The following ANKRD12 variants were observed in gnomAD, a reference collection of about 807,000 sequenced individuals.
The protein encoded by ANKRD12 is ankyrin repeat domain 12.
A neutral mutation model predicts 183.4 loss-of-function variants in ANKRD12; 85 were observed. The observed-to-expected ratio is 0.46, with a 90% CI of 0.39 to 0.56. The LOEUF (loss-of-function observed/expected upper bound fraction) is 0.56, where lower values mean the gene tolerates loss of function less well. Among genes scored for constraint, ANKRD12 ranks in the 20% least tolerant of loss-of-function variants. ANKRD12 has a pLI of 0.00. For missense variants in ANKRD12, 2,405 were observed against 2,357.1 expected (o/e 1.02, Z -0.42); for synonymous variants, 914 against 800.2 (o/e 1.14, Z -2.40).
At chr18:9,251,794 AAAAAAAG>A (rs2038314919) in intron 8 of ANKRD12, among the ~76,000 whole-genome samples, 1 of 152,178 alleles carries the variant, frequency 6.6e-6, no homozygotes, top group Non-Finnish European at 1.5e-5. Flanking sequence ...CTCCATCTCA[AAAAAAAG>A]AAAAAAGAAA....
chr18:9,255,599 C>A lies in ANKRD12; in HGVS notation c.2332C>A (p.Pro778Thr). Residue 778 changes from proline (P) to threonine (T), a missense_variant, in exon 9 of 13, where the codon CCC (proline) becomes ACC (threonine). Physicochemically the swap from Pro to Thr is conservative, Grantham distance 38. This residue lies in a region of ANKRD12 where 1,983 missense variants were observed against 1,725.9 expected (regional missense o/e 1.15). Transcript: ENST00000262126. ...TCTAAAAGAAGAGAGAGAAAACATA[C>A]CCACAGATAAAGACTCAGAATTTAC... ...KDLKEERENI[P>T]TDKDSEFTSL... 6.4e-7 allele frequency: 1 copy of A among 1,568,302 alleles called. No individual in the cohort carries two copies. The highest frequency in any genetic ancestry group is 1.2e-5 in the South Asian group (1 of 81,928).
At position 9,254,908 on chromosome 18, in the gene ANKRD12, T is replaced by G; in HGVS notation, c.1641T>G (p.Ser547=). 6.4e-7 allele frequency: 1 copy of G among 1,566,820 alleles called. No homozygotes were observed. The highest frequency in any genetic ancestry group is 8.6e-7 in the Non-Finnish European group (1 of 1,159,938). The change falls in exon 9 of 13, where the codon TCT becomes TCG. Residue 547 remains serine, a synonymous_variant. Coordinates refer to ENST00000262126, the MANE Select transcript of ANKRD12 (RefSeq NM_015208.5). ...HISTGKSPKH[S]CGLSEKQSTP... ...CCACTGGTAAATCTCCCAAACATTC[T>G]TGTGGATTAAGTGAAAAACAGTCAA...
Position 9,157,604 on chromosome 18 carries a change from T to TATGTA in ANKRD12, c.-52+20639_-52+20640insATGTA, listed in dbSNP as rs1491418837. ...GTGTGTGTATATATATATATATGTA[T>TATGTA]TTTTTTTTTTTTTTTTGAGATGGAG... On this transcript the variant is annotated intron_variant, in intron 1 of 12. Coordinates refer to ENST00000262126, the MANE Select transcript of ANKRD12 (RefSeq NM_015208.5). Among the ~76,000 whole-genome samples the TATGTA allele has an allele frequency of 2.5e-3, 114 of 45,920 alleles. 1 individual carries two copies. The highest frequency in any genetic ancestry group is 5.5e-3 in the Non-Finnish European group (83 of 14,988). The allele number at this position is 45,920 out of a possible 152,430, so 30.1% of individuals were successfully genotyped here. A position where few individuals can be genotyped will look rare whatever the true frequency, so the allele number is the denominator to read the frequency against.
rs560480246 is a variant in ANKRD12, at chr18:9,261,753, C to T, written c.5665-2037C>T. ...CCTCTTTTGGGAATTACCTCCCTCC[C>T]TCCTTTTCCTTTCTTCCCACATGAT... is the stretch of plus-strand genomic sequence containing the variant. On this transcript the variant is annotated intron_variant, in intron 9 of 12. Transcript: ENST00000262126. 3.3e-5 allele frequency among the ~76,000 whole-genome samples: 5 copies of T among 152,304 alleles called. No homozygotes were observed. In the South Asian group the frequency reaches 1.0e-3, roughly 32 times the overall value.
intron 5 of ANKRD12, among the ~76,000 whole-genome samples, chr18:9,211,335 T>G (rs558286968): frequency 7.9e-5 from 12 of 152,182 alleles, no homozygotes; most frequent in Non-Finnish European, 1.8e-4. Flanking sequence ...TGATACTTTA[T>G]CATTTTAAAC....
At chr18:9,243,626 C>A (rs1468351539) in intron 8 of ANKRD12, among the ~76,000 whole-genome samples, 1 of 152,020 alleles carries the variant, frequency 6.6e-6, no homozygotes, top group Non-Finnish European at 1.5e-5. Context: ...CAAGAAAGTC[C>A]TTGGAATTCA....
chr18:9,184,387 T>C (rs1017954225), intron 2 of ANKRD12, among the ~76,000 whole-genome samples: 8 of 151,218 alleles, frequency 5.3e-5, no homozygotes, highest in African/African-American at 1.2e-4. Flanking sequence ...TATCTTGATA[T>C]GGCCATTTTT....
chr18:9,185,439 C>T (rs775945832), intron 2 of ANKRD12, among the ~76,000 whole-genome samples: 2 of 152,124 alleles, frequency 1.3e-5, no homozygotes, highest in African/African-American at 4.8e-5. Context: ...GTTTCCATTA[C>T]TAGGTTAATG....
At chr18:9,247,517 G>C (rs2038033483) in intron 8 of ANKRD12, among the ~76,000 whole-genome samples, 2 of 152,070 alleles carry the variant, frequency 1.3e-5, no homozygotes, top group Non-Finnish European at 2.9e-5. Context: ...GCTTCTAATT[G>C]TGATTAAGTG....
intron 8 of ANKRD12, among the ~76,000 whole-genome samples, chr18:9,250,484 T>C (rs577809277): frequency 5.8e-4 from 88 of 152,064 alleles, no homozygotes; most frequent in African/African-American, 2.1e-3. Flanking sequence ...TTTGGGAGGC[T>C]GAGGTGGGAG....
At chr18:9,158,859 A>G (rs1004678016) in intron 1 of ANKRD12, among the ~76,000 whole-genome samples, 1 of 152,128 alleles carries the variant, frequency 6.6e-6, no homozygotes, top group East Asian at 1.9e-4. Flanking sequence ...GACTTACTCA[A>G]TGTCTCTCAT....
chr18:9,202,406 T>C (rs2035225187), intron 3 of ANKRD12, among the ~76,000 whole-genome samples: 1 of 152,194 alleles, frequency 6.6e-6, no homozygotes, highest in Non-Finnish European at 1.5e-5. Context: ...TAGATAAAAT[T>C]AGTGCTTTGC....
chr18:9,228,415 T>C (rs575662687), intron 8 of ANKRD12, among the ~76,000 whole-genome samples: 1 of 152,310 alleles, frequency 6.6e-6, no homozygotes, highest in Admixed American at 6.5e-5. Context: ...ATAGCAGTTG[T>C]ACTAATTTAC....
chr18:9,224,925 G>A (rs1273117891), intron 8 of ANKRD12, among the ~76,000 whole-genome samples: 1 of 152,030 alleles, frequency 6.6e-6, no homozygotes, highest in Admixed American at 6.6e-5. Context: ...TTTTCCTCCA[G>A]TAAGAATTAA....
Position 9,257,925 on chromosome 18 carries a change from A to T in ANKRD12, c.4658A>T (p.Asp1553Val), listed in dbSNP as rs969759343. ...KDTENTFVLG[D>V]VQKTDAFVPV... is the part of the protein sequence containing the mutation. ...ACAGAAAATACTTTTGTCCTAGGAG[A>T]TGTTCAAAAAACAGATGCCTTTGTC... The change falls in exon 9 of 13, where the codon GAT becomes GTT. Residue 1553 changes from aspartate to valine, a missense_variant. By Grantham distance (152) the Asp-to-Val change is radical. Transcript: ENST00000262126. The T allele has an allele frequency of 1.2e-6, 2 of 1,613,878 alleles. No homozygotes were observed. Among genetic ancestry groups the T allele is most frequent in the African/African-American group, 2.7e-5 (2 of 74,930 alleles).
chr18:9,266,156 TG>T (rs1456170905), intron 10 of ANKRD12, among the ~76,000 whole-genome samples: 4 of 152,202 alleles, frequency 2.6e-5, no homozygotes, highest in African/African-American at 9.6e-5. Flanking sequence ...TACCTGAAAG[TG>T]ACGGGGAGAA....
chr18:9,272,760 G>A (rs2039665449), intron 10 of ANKRD12, among the ~76,000 whole-genome samples: 1 of 152,134 alleles, frequency 6.6e-6, no homozygotes, highest in Admixed American at 6.5e-5. Context: ...TAAATCAAAA[G>A]TGTTAGGCCT....
chr18:9,280,018 T>TGATAATTTGA (rs2040034987), intron 12 of ANKRD12, among the ~76,000 whole-genome samples: 1 of 152,200 alleles, frequency 6.6e-6, no homozygotes, highest in East Asian at 1.9e-4. Flanking sequence ...CTTTCCCCCC[T>TGATAATTTGA]AGATTTTCAT....
At chr18:9,183,202 C>A (rs2033824288) in intron 2 of ANKRD12, among the ~76,000 whole-genome samples, 1 of 152,142 alleles carries the variant, frequency 6.6e-6, no homozygotes, top group Non-Finnish European at 1.5e-5. Context: ...AAACTGTATT[C>A]TTTTCAGAAT....
Sources: gnomAD v4.1 joint callset for allele counts (sites outside exome capture counted in the v4.1 genomes callset) on GRCh38, gnomAD v4.1.1 for gene constraint, gnomAD v4.1.1 regional missense constraint, MANE v1.5 for transcripts, NCBI Gene and HGNC (gene_info 2026-07-23, HGNC 2026-07-21) for gene names.